The following TMEM132B variants were observed in gnomAD, a reference collection of about 807,000 sequenced individuals.
TMEM132B encodes the protein transmembrane protein 132B.
In TMEM132B, 18 loss-of-function variants were observed where a neutral mutation model predicts 90.8. That is an observed-to-expected ratio of 0.20 (90% CI 0.14 to 0.29). The LOEUF (loss-of-function observed/expected upper bound fraction) is 0.29, where lower values mean the gene tolerates loss of function less well. Among genes scored for constraint, TMEM132B ranks in the 10% least tolerant of loss-of-function variants. TMEM132B has a pLI of 1.00. For synonymous variants in TMEM132B, 504 were observed against 523.3 expected, an observed-to-expected ratio of 0.96 and a Z score of 0.50; for missense variants, 1,096 against 1,326.8, an observed-to-expected ratio of 0.83 and a Z score of 2.70.
At chr12:125,298,242 CCT>C (rs1875719741) in intron 1 of TMEM132B, among the ~76,000 whole-genome samples, 1 of 151,022 alleles carries the variant, frequency 6.6e-6, no homozygotes, top group South Asian at 2.1e-4. Flanking sequence ...AGAGTGAGAC[CCT>C]GTCTCCAAAA....
chr12:125,572,478 G>A (rs145652178), intron 4 of TMEM132B, among the ~76,000 whole-genome samples: 1 of 152,322 alleles, frequency 6.6e-6, no homozygotes, highest in Non-Finnish European at 1.5e-5. Flanking sequence ...AGATGCTGAT[G>A]CCTTGATCTT....
intron 1 of TMEM132B, among the ~76,000 whole-genome samples, chr12:125,250,829 C>A (rs1371726566): frequency 2.0e-5 from 3 of 152,196 alleles, no homozygotes; most frequent in African/African-American, 7.2e-5. Context: ...CAGGCCCCTG[C>A]CCACGGTCTG....
intron 3 of TMEM132B, among the ~76,000 whole-genome samples, chr12:125,515,846 C>T (rs1883138565): frequency 1.3e-5 from 2 of 151,598 alleles, no homozygotes; most frequent in South Asian, 4.2e-4. Flanking sequence ...ACACACACAC[C>T]TCCACACATT....
chr12:125,461,168 C>G (rs1217222831), intron 3 of TMEM132B, among the ~76,000 whole-genome samples: 1 of 152,202 alleles, frequency 6.6e-6, no homozygotes, highest in Non-Finnish European at 1.5e-5. Flanking sequence ...AGAGCCAGAG[C>G]TGGGAGCTTA....
At chr12:125,293,597 C>T (rs901011094) in intron 1 of TMEM132B, among the ~76,000 whole-genome samples, 1 of 152,216 alleles carries the variant, frequency 6.6e-6, no homozygotes, top group Non-Finnish European at 1.5e-5. Flanking sequence ...TGGCCTCTAG[C>T]TGCATCCATG....
At chr12:125,603,496 C>T (rs1885617459) in intron 5 of TMEM132B, among the ~76,000 whole-genome samples, 1 of 152,230 alleles carries the variant, frequency 6.6e-6, no homozygotes, top group African/African-American at 2.4e-5. Context: ...ACCATAAAAA[C>T]CCCACAAGAA....
intron 2 of TMEM132B, among the ~76,000 whole-genome samples, chr12:125,383,431 A>C (rs983067267): frequency 1.3e-5 from 2 of 152,192 alleles, no homozygotes; most frequent in African/African-American, 4.8e-5. Flanking sequence ...TTGATTTTCT[A>C]GTTTTATTTT....
chr12:125,228,874 A>C (rs1873746417), intron 1 of TMEM132B, among the ~76,000 whole-genome samples: 1 of 152,162 alleles, frequency 6.6e-6, no homozygotes, highest in Non-Finnish European at 1.5e-5. Flanking sequence ...AGCCCATGAG[A>C]TAGAAGAGCC....
At chr12:125,382,555 G>A (rs1161262751) in intron 2 of TMEM132B, among the ~76,000 whole-genome samples, 2 of 152,174 alleles carry the variant, frequency 1.3e-5, no homozygotes, top group African/African-American at 4.8e-5. Flanking sequence ...CTGAGCCTCA[G>A]TCTCTTGATG....
chr12:125,243,032 T>TATATATACACAC lies in TMEM132B; in HGVS notation c.67+56167_67+56168insTATATACACACA, dbSNP rs1215676534. Reference sequence around the variant, plus strand: ...CTTCATATATATATATATATATATATACACACACACACACACACACATACA... The same window carrying TATATATACACAC: ...CTTCATATATATATATATATATATATATATATACACACACACACACACACACACACACATACA... On this transcript the variant is annotated intron_variant, in intron 1 of 8. Transcript: ENST00000682704. Among the ~76,000 whole-genome samples, 183 of 135,004 alleles carry TATATATACACAC rather than the reference T, an allele frequency of 1.4e-3. 1 individual carries two copies. The highest frequency in any genetic ancestry group is 4.9e-3 in the African/African-American group (177 of 36,266). The allele number at this position is 135,004 out of a possible 152,430, so 88.6% of individuals were successfully genotyped here.
intron 3 of TMEM132B, among the ~76,000 whole-genome samples, chr12:125,439,232 G>A (rs1432297745): frequency 6.6e-6 from 1 of 152,028 alleles, no homozygotes; most frequent in Non-Finnish European, 1.5e-5. Context: ...GCATTGAATA[G>A]CATTGAATCT....
At chr12:125,294,337 G>A (rs958185047) in intron 1 of TMEM132B, among the ~76,000 whole-genome samples, 3 of 152,356 alleles carry the variant, frequency 2.0e-5, no homozygotes, top group African/African-American at 7.2e-5. Context: ...GCCAGACCTG[G>A]TAGAGATTTA....
intron 4 of TMEM132B, among the ~76,000 whole-genome samples, chr12:125,545,435 G>A (rs552620210): frequency 1.3e-5 from 2 of 152,302 alleles, no homozygotes; most frequent in East Asian, 1.9e-4. Flanking sequence ...ACACACCAGT[G>A]TGGATGTCCA....
chr12:125,374,578 G>A lies in TMEM132B; in HGVS notation c.959+24235G>A, dbSNP rs1441760937. ...GGATTTCTTAAGGGTTTCTCTGGGG[G>A]TTTCAGCCAAGTCTTCCTAATGCAT... On this transcript the variant is annotated intron_variant, in intron 2 of 8. Coordinates refer to ENST00000682704, the MANE Select transcript of TMEM132B (RefSeq NM_001366854.1). 3.3e-5 allele frequency among the ~76,000 whole-genome samples: 5 copies of A among 152,052 alleles called. No individual in the cohort carries two copies. In the East Asian group the frequency reaches 7.7e-4, roughly 24 times the overall value.
chr12:125,244,627 C>T (rs1405463863), intron 1 of TMEM132B, among the ~76,000 whole-genome samples: 2 of 152,234 alleles, frequency 1.3e-5, no homozygotes, highest in Non-Finnish European at 2.9e-5. Flanking sequence ...CAAGTGCCAG[C>T]GAAGTGGTTC....
chr12:125,249,489 G>A (rs1479737466), intron 1 of TMEM132B, among the ~76,000 whole-genome samples: 2 of 152,172 alleles, frequency 1.3e-5, no homozygotes, highest in African/African-American at 4.8e-5. Context: ...TTTGCGGTGG[G>A]ACATAGAATC....
rs1386186798 is a variant in TMEM132B at position 125,612,839 on chromosome 12, T to TTA, written c.1437+28855_1437+28856dup. ...TATATATATGTAGTGGGTGTTTATA[T>TTA]TATATATATATTTATATATTATATA... is the stretch of plus-strand genomic sequence containing the variant. On this transcript the variant is annotated intron_variant, in intron 5 of 8. Transcript: ENST00000682704. 3.6e-4 allele frequency among the ~76,000 whole-genome samples: 38 copies of TTA among 104,572 alleles called. 2 individuals are homozygous for TTA. The South Asian group carries it at 9.3e-3, about 25-fold the overall frequency. 68.6% of individuals were successfully genotyped at this position (104,572 alleles called of 152,430 possible).
At chr12:125,435,782 G>A (rs1304987597) in intron 3 of TMEM132B, among the ~76,000 whole-genome samples, 1 of 152,040 alleles carries the variant, frequency 6.6e-6, no homozygotes, top group East Asian at 1.9e-4. Flanking sequence ...ACTGTGAAGA[G>A]GTGCTGGACT....
intron 2 of TMEM132B, among the ~76,000 whole-genome samples, chr12:125,379,983 C>CA (rs1878626502): frequency 6.6e-6 from 1 of 152,180 alleles, no homozygotes; most frequent in Non-Finnish European, 1.5e-5. Context: ...CATTTATCTT[C>CA]AATTTGGAAA....
Sources: allele counts gnomAD v4.1 joint callset (sites outside exome capture counted in the v4.1 genomes callset), GRCh38; gene constraint gnomAD v4.1.1; transcripts MANE v1.5; gene names NCBI Gene and HGNC (gene_info 2026-07-23, HGNC 2026-07-21).